Variants in CNTNAP5 observed in about 807,000 individuals in gnomAD.
CNTNAP5 encodes the protein contactin associated protein family member 5, also known as contactin-associated protein-like 5.
CNTNAP5 carries 72 observed loss-of-function variants against 150.2 expected under a neutral mutation model. The ratio of observed to expected loss-of-function variants is 0.48; its 90% CI spans 0.40 to 0.58. The LOEUF (loss-of-function observed/expected upper bound fraction) is 0.58, where lower values mean the gene tolerates loss of function less well. Among genes scored for constraint, CNTNAP5 ranks in the 20% least tolerant of loss-of-function variants. The pLI is 0.00. For missense variants in CNTNAP5, 1,636 were observed against 1,626.2 expected (o/e 1.01, Z -0.10); for synonymous variants, 672 against 619.8 (o/e 1.08, Z -1.25).
intron 3 of CNTNAP5, among the ~76,000 whole-genome samples, chr2:124,249,961 TTGTGTGTGTG>T (rs36078434): frequency 2.9e-4 from 34 of 118,618 alleles, no homozygotes; most frequent in Non-Finnish European, 2.7e-4. Context: ...ATGAATTCTT[TTGTGTGTGTG>T]TGTGTGTGTG....
chr2:124,754,839 C>G (rs1005607869), intron 14 of CNTNAP5, among the ~76,000 whole-genome samples: 1 of 152,010 alleles, frequency 6.6e-6, no homozygotes, highest in Non-Finnish European at 1.5e-5. Flanking sequence ...AGGCGTGAAC[C>G]ATTGTGCCCA....
intron 1 of CNTNAP5, among the ~76,000 whole-genome samples, chr2:124,190,162 T>C (rs1685426454): frequency 6.6e-6 from 1 of 152,232 alleles, no homozygotes; most frequent in African/African-American, 2.4e-5. Flanking sequence ...GTGAGCTTCA[T>C]CTCTTTTTAT....
intron 23 of CNTNAP5, 143 bp downstream of exon 23, chr2:124,911,681 G>A: frequency 1.5e-6 from 1 of 669,130 alleles, no homozygotes; most frequent in Non-Finnish European, 2.7e-6. Flanking sequence ...CTTTTCATGA[G>A]TAGTCCTGTG....
At chr2:124,386,904 TAA>T (rs35741560) in intron 3 of CNTNAP5, among the ~76,000 whole-genome samples, 27,897 of 152,084 alleles carry the variant, frequency 0.18, 2,707 homozygotes, top group East Asian at 0.28. Flanking sequence ...CATTAAGTCA[TAA>T]GAGTGGAGCC....
intron 3 of CNTNAP5, among the ~76,000 whole-genome samples, chr2:124,309,811 C>T (rs1395063587): frequency 2.6e-5 from 4 of 152,204 alleles, no homozygotes; most frequent in Non-Finnish European, 4.4e-5. Context: ...GAGAAGGGCT[C>T]TGCATAGAAT....
At chr2:124,726,907 G>T (rs115291426) in intron 13 of CNTNAP5, among the ~76,000 whole-genome samples, 1 of 151,764 alleles carries the variant, frequency 6.6e-6, no homozygotes, top group Non-Finnish European at 1.5e-5. Flanking sequence ...AAAAAATGTT[G>T]TTCAGACTAA....
intron 21 of CNTNAP5, among the ~76,000 whole-genome samples, chr2:124,885,621 C>T (rs1218145828): frequency 6.6e-6 from 1 of 151,274 alleles, no homozygotes; most frequent in Non-Finnish European, 1.5e-5. Context: ...CACATCTCAT[C>T]TTCACCCCTC....
At position 124,597,119 on chromosome 2, in the gene CNTNAP5, A is replaced by T. The variant is rs1163998844; in HGVS notation, c.1757-12682A>T. 6.8e-3 allele frequency among the ~76,000 whole-genome samples: 1,027 copies of T among 150,548 alleles called. 16 individuals carry two copies. Among genetic ancestry groups the T allele is most frequent in the African/African-American group, 0.024 (990 of 41,020 alleles). Reference sequence around the variant, plus strand: ...CCAATTTGCCAGTCTGTGTCTTTTAATTGGAGCATTTAGTCCATTTACATT... The same window carrying T: ...CCAATTTGCCAGTCTGTGTCTTTTATTTGGAGCATTTAGTCCATTTACATT... On this transcript the variant is annotated intron_variant, in intron 11 of 23. Transcript: ENST00000682447.
intron 3 of CNTNAP5, among the ~76,000 whole-genome samples, chr2:124,394,232 C>T (rs372664848): frequency 8.6e-5 from 13 of 151,802 alleles, no homozygotes; most frequent in Admixed American, 3.3e-4. Flanking sequence ...ATTAGCTGGG[C>T]GTGGTGGCTC....
intron 5 of CNTNAP5, among the ~76,000 whole-genome samples, chr2:124,441,417 G>A (rs1267549206): frequency 1.3e-5 from 2 of 151,900 alleles, no homozygotes; most frequent in Non-Finnish European, 2.9e-5. Flanking sequence ...GCATTCTTCA[G>A]TTTTATCCGC....
At chr2:124,614,983 CAAA>C (rs70996082) in intron 12 of CNTNAP5, among the ~76,000 whole-genome samples, 4 of 151,876 alleles carry the variant, frequency 2.6e-5, no homozygotes, top group Middle Eastern at 3.4e-3. Context: ...AGCATTATAT[CAAA>C]AAAAAAAAAA....
chr2:124,378,878 C>A (rs1314280562), intron 3 of CNTNAP5, among the ~76,000 whole-genome samples: 2 of 152,250 alleles, frequency 1.3e-5, no homozygotes, highest in East Asian at 3.9e-4. Flanking sequence ...TATGTGAGAA[C>A]AACATGGAAC....
chr2:124,083,239 T>G (rs1682599082), intron 1 of CNTNAP5, among the ~76,000 whole-genome samples: 1 of 152,110 alleles, frequency 6.6e-6, no homozygotes, highest in Admixed American at 6.5e-5. Context: ...TCTCAGCTAG[T>G]CAGGAGGCTG....
chr2:124,258,397 T>C (rs959996601), intron 3 of CNTNAP5, among the ~76,000 whole-genome samples: 1 of 152,208 alleles, frequency 6.6e-6, no homozygotes, highest in African/African-American at 2.4e-5. Context: ...GGACTCATTA[T>C]ACCCAATTTG....
At chr2:124,329,554 G>A (rs745845005) in intron 3 of CNTNAP5, among the ~76,000 whole-genome samples, 1 of 152,012 alleles carries the variant, frequency 6.6e-6, no homozygotes, top group Non-Finnish European at 1.5e-5. Flanking sequence ...GGTATATTGT[G>A]CTCTGAGCCC....
chr2:124,456,519 C>T (rs143045307), intron 6 of CNTNAP5, among the ~76,000 whole-genome samples: 7 of 151,970 alleles, frequency 4.6e-5, no homozygotes, highest in African/African-American at 1.7e-4. Context: ...ATTCAATACA[C>T]TCCTCATCAA....
chr2:124,719,703 T>A (rs548570696), intron 13 of CNTNAP5, among the ~76,000 whole-genome samples: 3 of 152,318 alleles, frequency 2.0e-5, no homozygotes, highest in African/African-American at 2.4e-5. Flanking sequence ...CCATTTTTTT[T>A]AACTCTCAAT....
At chr2:124,537,579 G>A (rs1279141588) in intron 10 of CNTNAP5, among the ~76,000 whole-genome samples, 1 of 152,092 alleles carries the variant, frequency 6.6e-6, no homozygotes, top group Non-Finnish European at 1.5e-5. Flanking sequence ...GAGAAGACAG[G>A]CTTCAAGCTG....
intron 1 of CNTNAP5, among the ~76,000 whole-genome samples, chr2:124,040,526 T>C (rs1681340730): frequency 6.6e-6 from 1 of 150,630 alleles, no homozygotes; most frequent in Admixed American, 6.7e-5. Flanking sequence ...GTTTTGTAAA[T>C]ATAATGTGTT....
Sources: allele counts gnomAD v4.1 joint callset (sites outside exome capture counted in the v4.1 genomes callset), GRCh38; gene constraint gnomAD v4.1.1; transcripts MANE v1.5; gene names NCBI Gene and HGNC (gene_info 2026-07-23, HGNC 2026-07-21).